The following MOB3B variants were observed in gnomAD, a reference collection of about 807,000 sequenced individuals.
The protein encoded by MOB3B is MOB kinase activator 3B.
MOB3B carries 7 observed loss-of-function variants against 18.7 expected under a neutral mutation model. The observed-to-expected ratio is 0.37, with a 90% CI of 0.21 to 0.70. MOB3B has a LOEUF of 0.70. Ranked by LOEUF, MOB3B falls within the 30% of genes least tolerant of loss-of-function variation. MOB3B has a pLI of 0.52. For synonymous variants in MOB3B, 111 were observed against 99.9 expected (o/e 1.11, Z -0.66); for missense variants, 253 against 281.3 (o/e 0.90, Z 0.72).
intron 2 of MOB3B, among the ~76,000 whole-genome samples, chr9:27,444,062 T>C (rs1480350168): frequency 2.0e-5 from 3 of 151,410 alleles, no homozygotes; most frequent in East Asian, 3.9e-4. Flanking sequence ...GTTCTGCACC[T>C]CCTGTGACAT....
At chr9:27,357,888 C>CATAAAAAAAAA (rs1821215228) in intron 3 of MOB3B, among the ~76,000 whole-genome samples, 1 of 57,944 alleles carries the variant, frequency 1.7e-5, no homozygotes, top group South Asian at 1.1e-3. Context: ...CCCATCGCTA[C>CATAAAAAAAAA]AAAAAAAAAA....
intron 2 of MOB3B, among the ~76,000 whole-genome samples, chr9:27,404,149 T>C (rs938630175): frequency 6.6e-6 from 1 of 152,004 alleles, no homozygotes; most frequent in African/African-American, 2.4e-5. Context: ...GACTACCCTT[T>C]TTTTTTCTTT....
intron 3 of MOB3B, among the ~76,000 whole-genome samples, chr9:27,337,179 G>A (rs1820876827): frequency 6.6e-6 from 1 of 152,194 alleles, no homozygotes; most frequent in African/African-American, 2.4e-5. Flanking sequence ...CCCTACAACC[G>A]GGAAGAGTTT....
At chr9:27,369,214 A>G (rs1030918791) in intron 2 of MOB3B, among the ~76,000 whole-genome samples, 4 of 152,158 alleles carry the variant, frequency 2.6e-5, no homozygotes, top group African/African-American at 9.7e-5. Flanking sequence ...TTTTTTCATG[A>G]GCCCCAACCA....
intron 3 of MOB3B, among the ~76,000 whole-genome samples, chr9:27,353,629 G>C (rs983481370): frequency 2.6e-5 from 4 of 152,120 alleles, no homozygotes; most frequent in Admixed American, 2.6e-4. Flanking sequence ...AGGTCACCCA[G>C]GGGTTAGCAG....
chr9:27,334,004 T>C (rs1820826769), intron 3 of MOB3B, among the ~76,000 whole-genome samples: 1 of 152,228 alleles, frequency 6.6e-6, no homozygotes, highest in South Asian at 2.1e-4. Flanking sequence ...TTGACATCCT[T>C]TAAGATGCAA....
In MOB3B at chr9:27,455,400, G is replaced by A. The variant is rs1822854452; in HGVS notation, c.151C>T (p.Pro51Ser). Residue 51 changes from proline (P) to serine (S), a missense_variant, in exon 2 of 4, where the codon CCC becomes TCC. Coordinates refer to ENST00000262244, the MANE Select transcript of MOB3B (RefSeq NM_024761.5). ...GVDLKAAVQL[P>S]SGEDQNDWVA... is the part of the protein sequence containing the mutation. ...CAGTCATTCTGGTCCTCCCCACTGG[G>A]CAACTGCACAGCCGCCTTCAGGTCC... 6.2e-7 allele frequency: 1 copy of A among 1,614,178 alleles called. No individual in the cohort carries two copies. The highest frequency in any genetic ancestry group is 8.5e-7 in the Non-Finnish European group (1 of 1,180,038).
chr9:27,404,886 G>A (rs1157340979), intron 2 of MOB3B, among the ~76,000 whole-genome samples: 3 of 152,082 alleles, frequency 2.0e-5, no homozygotes, highest in Non-Finnish European at 2.9e-5. Flanking sequence ...CACCAACAGT[G>A]TATGGGGTTC....
chr9:27,503,960 C>T (rs1225444705), intron 1 of MOB3B, among the ~76,000 whole-genome samples: 2 of 152,230 alleles, frequency 1.3e-5, no homozygotes, highest in Admixed American at 6.5e-5. Flanking sequence ...CATCTTCTCC[C>T]TCTGTTCCGT....
At chr9:27,457,530 T>A (rs115944634) in intron 1 of MOB3B, among the ~76,000 whole-genome samples, 250 of 152,304 alleles carry the variant, frequency 1.6e-3, no homozygotes, top group African/African-American at 5.8e-3. Flanking sequence ...TGATTCCCCC[T>A]TATCAACTCT....
Position 27,508,171 on chromosome 9 carries a change from C to G in MOB3B, c.-199+21384G>C, listed in dbSNP as rs112062463. The stretch of plus-strand genomic sequence containing the variant: ...GATATCAAAATCCTATGGACAAGTT[C>G]CTGAAGAAAGTATTCCACTGATATG... On this transcript the variant is annotated intron_variant, in intron 1 of 3. Transcript: ENST00000262244. Among the ~76,000 whole-genome samples the G allele has an allele frequency of 3.1e-3, 467 of 152,242 alleles. 4 individuals carry two copies. The highest frequency in any genetic ancestry group is 0.011 in the African/African-American group (454 of 41,536).
At chr9:27,360,667 C>T (rs931599123) in intron 2 of MOB3B, among the ~76,000 whole-genome samples, 3 of 152,198 alleles carry the variant, frequency 2.0e-5, no homozygotes, top group Admixed American at 1.3e-4. Flanking sequence ...TCCACAGAAA[C>T]CTAGCAGCAG....
At chr9:27,488,336 G>A (rs747102273) in intron 1 of MOB3B, among the ~76,000 whole-genome samples, 3 of 152,140 alleles carry the variant, frequency 2.0e-5, no homozygotes, top group African/African-American at 4.8e-5. Context: ...CACCCCAGTG[G>A]ATATCAAGGT....
chr9:27,465,135 C>T (rs951513716), intron 1 of MOB3B, among the ~76,000 whole-genome samples: 2 of 152,210 alleles, frequency 1.3e-5, no homozygotes, highest in South Asian at 2.1e-4. Flanking sequence ...CAAGGCAAGT[C>T]CCTTCCACCT....
intron 1 of MOB3B, among the ~76,000 whole-genome samples, chr9:27,525,256 C>G (rs1820418689): frequency 6.6e-6 from 1 of 152,140 alleles, no homozygotes; most frequent in African/African-American, 2.4e-5. Context: ...AAGAGCTTTG[C>G]TATATATACC....
intron 1 of MOB3B, among the ~76,000 whole-genome samples, chr9:27,499,058 A>T (rs982481939): frequency 1.3e-5 from 2 of 152,242 alleles, no homozygotes; most frequent in Non-Finnish European, 2.9e-5. Context: ...AAGAACCATG[A>T]ATTTAAATTC....
At chr9:27,394,158 G>C (rs866621023) in intron 2 of MOB3B, 1 of 152,178 alleles carries the variant, frequency 6.6e-6, no homozygotes, top group Middle Eastern at 3.4e-3. Context: ...TTTCCTAAAG[G>C]AATGACCTCC....
intron 2 of MOB3B, among the ~76,000 whole-genome samples, chr9:27,423,573 T>A (rs1192730499): frequency 6.6e-6 from 1 of 152,048 alleles, no homozygotes; most frequent in Non-Finnish European, 1.5e-5. Context: ...ATCAATAAAG[T>A]TGGATTTATG....
chr9:27,455,041 G>T, intron 2 of MOB3B, 92 bp downstream of exon 2: 2 of 1,327,544 alleles, frequency 1.5e-6, no homozygotes, highest in Non-Finnish European at 2.2e-6. Flanking sequence ...ATTAATGCAT[G>T]GGTGCTACCT....
Sources: allele counts gnomAD v4.1 joint callset (sites outside exome capture counted in the v4.1 genomes callset), GRCh38; gene constraint gnomAD v4.1.1; transcripts MANE v1.5; gene names NCBI Gene and HGNC (gene_info 2026-07-23, HGNC 2026-07-21).